NEGR1: variants seen among roughly 807,000 people sequenced by gnomAD.
The protein encoded by NEGR1 is IgLON family member 4.
NEGR1 carries 10 observed loss-of-function variants against 40.9 expected under a neutral mutation model. The ratio of observed to expected loss-of-function variants is 0.24; its 90% confidence interval spans 0.15 to 0.42. NEGR1 has a LOEUF of 0.42. Among genes scored for constraint, NEGR1 ranks in the 10% least tolerant of loss-of-function variants. The pLI, the probability that NEGR1 is intolerant of heterozygous loss-of-function variation, is 1.00. For synonymous variants in NEGR1, 185 were observed against 166.8 expected, an observed-to-expected ratio of 1.11 and a Z score of -0.84; for missense variants, 352 against 438.9, an observed-to-expected ratio of 0.80 and a Z score of 1.77.
At chr1:71,457,745 G>A (rs938403356) in intron 6 of NEGR1, among the ~76,000 whole-genome samples, 1 of 151,668 alleles carries the variant, frequency 6.6e-6, no homozygotes, top group Admixed American at 6.6e-5. Flanking sequence ...TTGCTCTGTC[G>A]CCCAGGCTGG....
chr1:71,556,505 A>G lies in NEGR1; in HGVS notation c.940+36312T>C, dbSNP rs17091379. Among the ~76,000 whole-genome samples the G allele has an allele frequency of 1.2e-3, 186 of 151,774 alleles. 5 individuals carry two copies. In the East Asian group the frequency reaches 0.034, roughly 27 times the overall value. ...TTAGAAGCGTTTGCTATGATAATGT[A>G]TATATCCTGGTGCACACATTATCTT... is the stretch of plus-strand genomic sequence containing the variant. On this transcript the variant is annotated intron_variant, in intron 6 of 6. Transcript: ENST00000357731.
chr1:71,437,445 T>C (rs1464758908), intron 6 of NEGR1, among the ~76,000 whole-genome samples: 1 of 152,134 alleles, frequency 6.6e-6, no homozygotes, highest in African/African-American at 2.4e-5. Context: ...ACAGCTATTA[T>C]TCAAAAAATG....
intron 6 of NEGR1, among the ~76,000 whole-genome samples, chr1:71,494,821 T>C (rs1335803283): frequency 6.6e-6 from 1 of 152,026 alleles, no homozygotes; most frequent in Non-Finnish European, 1.5e-5. Context: ...AATATCTATA[T>C]ATTGACTGTT....
At chr1:71,804,516 A>G (rs1214414381) in intron 2 of NEGR1, among the ~76,000 whole-genome samples, 1 of 152,242 alleles carries the variant, frequency 6.6e-6, no homozygotes, top group African/African-American at 2.4e-5. Flanking sequence ...AAGAACATAA[A>G]TTGTGAAGAT....
chr1:71,831,745 G>T (rs1430800711), intron 2 of NEGR1, among the ~76,000 whole-genome samples: 1 of 151,824 alleles, frequency 6.6e-6, no homozygotes, highest in East Asian at 2.0e-4. Context: ...TGGTCCCTGG[G>T]GATGTAGGAG....
At chr1:72,139,622 G>T (rs1650597954) in intron 1 of NEGR1, among the ~76,000 whole-genome samples, 1 of 151,944 alleles carries the variant, frequency 6.6e-6, no homozygotes, top group Non-Finnish European at 1.5e-5. Flanking sequence ...ATCTAACAAA[G>T]CACATACTGT....
chr1:72,125,645 T>C (rs904716324), intron 1 of NEGR1, among the ~76,000 whole-genome samples: 7 of 152,164 alleles, frequency 4.6e-5, no homozygotes, highest in Non-Finnish European at 8.8e-5. Flanking sequence ...GTGTATTAAA[T>C]GGACCAAATA....
chr1:71,688,583 A>G (rs1248682930), intron 4 of NEGR1, among the ~76,000 whole-genome samples: 2 of 151,048 alleles, frequency 1.3e-5, no homozygotes, highest in Non-Finnish European at 2.9e-5. Context: ...CAGCCTCCCA[A>G]GTAGCTGGGA....
chr1:71,920,404 G>A (rs1645705092), intron 2 of NEGR1, among the ~76,000 whole-genome samples: 1 of 152,080 alleles, frequency 6.6e-6, no homozygotes, highest in African/African-American at 2.4e-5. Flanking sequence ...AGTATACTAT[G>A]GCTATCACTT....
intron 6 of NEGR1, among the ~76,000 whole-genome samples, chr1:71,460,485 T>G (rs1646707103): frequency 6.6e-6 from 1 of 152,224 alleles, no homozygotes; most frequent in Non-Finnish European, 1.5e-5. Context: ...ATGGGCAATT[T>G]TCTTAATCTC....
chr1:72,009,884 G>A (rs1346090558), intron 1 of NEGR1, among the ~76,000 whole-genome samples: 1 of 151,906 alleles, frequency 6.6e-6, no homozygotes, highest in Non-Finnish European at 1.5e-5. Flanking sequence ...AAATACAGGG[G>A]TCAGACATAG....
intron 1 of NEGR1, among the ~76,000 whole-genome samples, chr1:72,153,774 T>G (rs1478894778): frequency 6.6e-6 from 1 of 151,770 alleles, no homozygotes; most frequent in Non-Finnish European, 1.5e-5. Flanking sequence ...GAAAAGATAC[T>G]GAAGTAGACT....
chr1:71,548,287 T>C (rs927244068), intron 6 of NEGR1, among the ~76,000 whole-genome samples: 15 of 151,736 alleles, frequency 9.9e-5, no homozygotes, highest in African/African-American at 3.6e-4. Context: ...TTCTGTAGGC[T>C]CAGGGATCCT....
chr1:71,935,220 G>A lies in NEGR1; in HGVS notation c.268C>T (p.Arg90Ter). 1 of 1,613,698 alleles carries A rather than the reference G, an allele frequency of 6.2e-7. No individual in the cohort carries two copies. Among genetic ancestry groups the A allele is most frequent in the Non-Finnish European group, 8.5e-7 (1 of 1,179,742 alleles). ...TTATTCAATGTTGAAATTGAAACTC[G>A]AGGATCCACTGACCACTTATCACCT... Reference protein sequence around the residue: ...AGGDKWSVDPRVSISTLNKRD... With the variant: ...AGGDKWSVDP The change falls in exon 2 of 7, where the codon CGA becomes TGA. Residue 90 changes from arginine to a stop codon, truncating the protein, a stop_gained. Coordinates refer to ENST00000357731, the MANE Select transcript of NEGR1 (RefSeq NM_173808.3). LOFTEE classifies it high-confidence loss of function.
At chr1:72,247,361 C>A (rs942279932) in intron 1 of NEGR1, among the ~76,000 whole-genome samples, 1 of 152,104 alleles carries the variant, frequency 6.6e-6, no homozygotes, top group East Asian at 1.9e-4. Flanking sequence ...ATACAAAATC[C>A]AAATTTAAGT....
intron 1 of NEGR1, among the ~76,000 whole-genome samples, chr1:72,227,997 T>C (rs1168326753): frequency 6.6e-6 from 1 of 152,108 alleles, no homozygotes; most frequent in African/African-American, 2.4e-5. Context: ...ACCTGACTAA[T>C]AACGTTATTG....
chr1:71,464,062 G>T (rs1388547566), intron 6 of NEGR1, among the ~76,000 whole-genome samples: 1 of 152,108 alleles, frequency 6.6e-6, no homozygotes, highest in Non-Finnish European at 1.5e-5. Flanking sequence ...ATCCCAGTTG[G>T]ATTTAGTGAC....
At chr1:71,668,011 T>C (rs1652297931) in intron 4 of NEGR1, among the ~76,000 whole-genome samples, 1 of 152,242 alleles carries the variant, frequency 6.6e-6, no homozygotes, top group Admixed American at 6.5e-5. Context: ...AATCAGTTTA[T>C]GTTTTTTCCC....
rs111639180 is a variant in NEGR1 at position 71,795,638 on chromosome 1, C to T, written c.410-19341G>A. Among the ~76,000 whole-genome samples, 9 of 152,044 alleles carry T rather than the reference C, an allele frequency of 5.9e-5. 1 individual carries two copies. Among genetic ancestry groups the T allele is most frequent in the African/African-American group, 1.7e-4 (7 of 41,486 alleles). ...AAAATCTGAACAAATCCCAATTGAC[C>T]GTGTGTTTATAAAATGTTACGTTGT... is the stretch of plus-strand genomic sequence containing the variant. On this transcript the variant is annotated intron_variant, in intron 2 of 6. Transcript: ENST00000357731.
Sources: gnomAD v4.1 joint callset for allele counts (sites outside exome capture counted in the v4.1 genomes callset) on GRCh38, gnomAD v4.1.1 for gene constraint, MANE v1.5 for transcripts, NCBI Gene and HGNC (gene_info 2026-07-23, HGNC 2026-07-21) for gene names.